The following CACNA1B variants were observed in gnomAD, a reference collection of about 807,000 sequenced individuals.
The protein encoded by CACNA1B is calcium voltage-gated channel subunit alpha1 B, also known as voltage-dependent N-type calcium channel subunit alpha-1B.
Under a neutral mutation model 247.2 loss-of-function variants are expected in CACNA1B, and 70 were observed. The observed-to-expected ratio is 0.28, with a 90% CI of 0.23 to 0.35. The LOEUF (loss-of-function observed/expected upper bound fraction) is 0.35, where lower values mean the gene tolerates loss of function less well. Ranked by LOEUF, CACNA1B falls within the 10% of genes least tolerant of loss-of-function variation. The pLI is 1.00. For synonymous variants in CACNA1B, 1,231 were observed against 1,294.4 expected (o/e 0.95, Z 1.05); for missense variants, 2,367 against 3,197.4 (o/e 0.74, Z 6.26).
chr9:137,942,131 G>T (rs951212571), intron 6 of CACNA1B, among the ~76,000 whole-genome samples: 5 of 151,780 alleles, frequency 3.3e-5, no homozygotes, highest in Admixed American at 3.3e-4. Flanking sequence ...AAACAAATTA[G>T]CAAGAAAAAA....
chr9:138,120,924 C>G (rs1460879240), intron 46 of CACNA1B, 43 bp downstream of exon 46: 1 of 1,531,420 alleles, frequency 6.5e-7, no homozygotes, highest in South Asian at 1.2e-5. Context: ...GCTGCCTCTC[C>G]TCGGCCCAGC....
intron 36 of CACNA1B, among the ~76,000 whole-genome samples, chr9:138,082,203 G>A (rs1960543094): frequency 6.6e-6 from 1 of 151,256 alleles, no homozygotes; most frequent in South Asian, 2.1e-4. Flanking sequence ...GAATGAAAAG[G>A]CAACTCAAGG....
intron 39 of CACNA1B, among the ~76,000 whole-genome samples, chr9:138,109,445 C>T (rs1961548128): frequency 6.6e-6 from 1 of 152,248 alleles, no homozygotes; most frequent in African/African-American, 2.4e-5. Flanking sequence ...TAGGCCTCTT[C>T]TCTTGGCTGG....
rs1234627721 is a variant in CACNA1B, at chr9:138,122,040, G to T, written c.*41G>T. ...TCAGACGCCTGCATGCAGCAGGCGT[G>T]TGTTCCAGTGGATGAGTTTTATCAT... On this transcript the variant is annotated 3_prime_UTR_variant, in exon 47 of 47. Coordinates refer to ENST00000371372, the MANE Select transcript of CACNA1B (RefSeq NM_000718.4). The T allele has an allele frequency of 6.6e-7, 1 of 1,522,478 alleles. No homozygotes were observed. The highest frequency in any genetic ancestry group is 1.9e-5 in the Admixed American group (1 of 52,832). 94.3% of individuals were successfully genotyped at this position (1,522,478 alleles called of 1,614,324 possible).
At chr9:138,079,952 C>T (rs954960897) in intron 36 of CACNA1B, among the ~76,000 whole-genome samples, 3 of 151,978 alleles carry the variant, frequency 2.0e-5, no homozygotes, top group Non-Finnish European at 2.9e-5. Context: ...ATCGTTCCTC[C>T]GTCAGCGTAG....
chr9:138,042,944 G>T (rs1048376396), intron 20 of CACNA1B, among the ~76,000 whole-genome samples: 4 of 152,176 alleles, frequency 2.6e-5, no homozygotes, highest in African/African-American at 4.8e-5. Flanking sequence ...AGTGGGAGGC[G>T]GCTCCAAGTC....
At position 137,971,370 on chromosome 9, in the gene CACNA1B, C is replaced by T. The variant is rs1198456328; in HGVS notation, c.1334-13C>T. 20 of 1,596,778 alleles carry T rather than the reference C, an allele frequency of 1.3e-5. No homozygotes were observed. The highest frequency in any genetic ancestry group is 1.7e-5 in the Non-Finnish European group (20 of 1,169,912). On this transcript the variant is annotated splice_polypyrimidine_tract_variant and intron_variant, in intron 10 of 46. Coordinates refer to ENST00000371372, the MANE Select transcript of CACNA1B (RefSeq NM_000718.4). The surrounding 1 kb of genome is among the most constrained non-coding windows in gnomAD (Gnocchi z 4.4). The stretch of plus-strand genomic sequence containing the variant: ...TTGGTCCCCACATCCTCAGTAACTC[C>T]CCATCCCCTCAGGATCCCCCTTCGC...
rs1254381815 is a variant in CACNA1B, at chr9:138,072,059, C to T, written c.4675-1429C>T. On this transcript the variant is annotated intron_variant, in intron 32 of 46. Coordinates refer to ENST00000371372, the MANE Select transcript of CACNA1B (RefSeq NM_000718.4). This position sits in a 1 kb window ranked among gnomAD's most constrained non-coding sequence, Gnocchi z 4.5. ...TACCGTGGAGATTTTCTTTCCCTGG[C>T]ACAAGCAGATTACGGAGCTACAGGT... 1.3e-5 allele frequency among the ~76,000 whole-genome samples: 2 copies of T among 152,100 alleles called. No individual in the cohort carries two copies. The highest frequency in any genetic ancestry group is 6.5e-5 in the Admixed American group (1 of 15,272).
At chr9:138,089,191 A>C (rs1960801381) in intron 36 of CACNA1B, among the ~76,000 whole-genome samples, 2 of 152,048 alleles carry the variant, frequency 1.3e-5, no homozygotes, top group South Asian at 4.1e-4. Flanking sequence ...CAAAAACAAA[A>C]AACACTAGAA....
At position 137,967,542 on chromosome 9, in the gene CACNA1B, G is replaced by A. The variant is rs369102554; in HGVS notation, c.1334-3841G>A. ...TGCTCACTGCAGGACTGTCTCCTCC[G>A]TTTTAACTCTGTCCTGTCACTCGGC... On this transcript the variant is annotated intron_variant, in intron 10 of 46. Transcript: ENST00000371372. Among the ~76,000 whole-genome samples the A allele has an allele frequency of 7.2e-5, 11 of 152,204 alleles. No individual in the cohort carries two copies. The East Asian group carries it at 1.7e-3, about 24-fold the overall frequency.
rs2133285972 is a variant in CACNA1B, at chr9:137,919,173, C to A, written c.966+1742C>A. Among the ~76,000 whole-genome samples, 1 of 152,366 alleles carries A rather than the reference C, an allele frequency of 6.6e-6. No homozygotes were observed. The highest frequency in any genetic ancestry group is 2.4e-5 in the African/African-American group (1 of 41,586). On this transcript the variant is annotated intron_variant, in intron 6 of 46. Transcript: ENST00000371372. The surrounding 1 kb of genome is among the most constrained non-coding windows in gnomAD (Gnocchi z 4.6). ...GAGCCCCATCCTGGGGCAGGCAGCA[C>A]TGGCCAGGAGGGGCCACAGAGGTTT...
intron 15 of CACNA1B, among the ~76,000 whole-genome samples, chr9:137,987,258 A>T (rs1958375652): frequency 1.3e-5 from 2 of 151,980 alleles, no homozygotes; most frequent in African/African-American, 2.4e-5. Flanking sequence ...TGACCCCCTC[A>T]GTTCTCATCT....
intron 11 of CACNA1B, among the ~76,000 whole-genome samples, chr9:137,972,109 G>A (rs896340877): frequency 5.3e-5 from 8 of 152,198 alleles, no homozygotes; most frequent in African/African-American, 1.9e-4. Flanking sequence ...AAATCTGGAT[G>A]CATTCATGCC....
rs1958712211 is a variant in CACNA1B, at chr9:138,010,631, A to G, written c.2160+554A>G. Reference sequence around the variant, plus strand: ...GTTGACTCAAGCCCTAGCTCCTAGTAGAGGTGGTGCTGCCTTCTGGTTTGG... The same window carrying G: ...GTTGACTCAAGCCCTAGCTCCTAGTGGAGGTGGTGCTGCCTTCTGGTTTGG... On this transcript the variant is annotated intron_variant, in intron 17 of 46. Transcript: ENST00000371372. The surrounding 1 kb of genome is among the most constrained non-coding windows in gnomAD (Gnocchi z 5.3). Among the ~76,000 whole-genome samples, 1 of 152,092 alleles carries G rather than the reference A, an allele frequency of 6.6e-6. No homozygotes were observed. The highest frequency in any genetic ancestry group is 2.1e-4 in the South Asian group (1 of 4,830).
chr9:137,941,075 A>AAGAG (rs1957728012), intron 6 of CACNA1B, among the ~76,000 whole-genome samples: 1 of 152,198 alleles, frequency 6.6e-6, no homozygotes, highest in Admixed American at 6.5e-5. Flanking sequence ...GCAATCAGAC[A>AAGAG]AGAGAAAGAA....
rs1465773393 is a variant in CACNA1B, at chr9:137,917,506, A to AG, written c.966+81dup. 2 of 1,338,396 alleles carry AG rather than the reference A, an allele frequency of 1.5e-6. No homozygotes were observed. The highest frequency in any genetic ancestry group is 1.9e-5 in the Admixed American group (1 of 51,830). 82.9% of individuals were successfully genotyped at this position (1,338,396 alleles called of 1,614,324 possible). A position where few individuals can be genotyped will look rare whatever the true frequency, so the allele number is the denominator to read the frequency against. ...AGCTGGTGCCTCTGGGGGTCCATTT[A>AG]GGGGGGCCCTTCTGACCTCAGAGCC... On this transcript the variant is annotated intron_variant, in intron 6 of 46. Transcript: ENST00000371372. The surrounding 1 kb of genome is among the most constrained non-coding windows in gnomAD (Gnocchi z 5.5).
intron 12 of CACNA1B, among the ~76,000 whole-genome samples, chr9:137,976,670 C>A (rs1195129310): frequency 7.2e-6 from 1 of 139,710 alleles, no homozygotes; most frequent in African/African-American, 2.7e-5. Context: ...GCACAGAGGG[C>A]AGGGCAGGGC....
chr9:137,973,027 C>T lies in CACNA1B; in HGVS notation c.1543+1435C>T, dbSNP rs979160037. 6.6e-6 allele frequency among the ~76,000 whole-genome samples: 1 copy of T among 152,218 alleles called. No homozygotes were observed. Among genetic ancestry groups the T allele is most frequent in the African/African-American group, 2.4e-5 (1 of 41,468 alleles). The stretch of plus-strand genomic sequence containing the variant: ...GGGTCAGGTGGGGACCAAGGACTTC[C>T]TCCTGACCCAGTGACTAGGCCTGTT... On this transcript the variant is annotated intron_variant, in intron 11 of 46. Coordinates refer to ENST00000371372, the MANE Select transcript of CACNA1B (RefSeq NM_000718.4). The surrounding 1 kb of genome is among the most constrained non-coding windows in gnomAD (Gnocchi z 4.1).
intron 7 of CACNA1B, among the ~76,000 whole-genome samples, chr9:137,953,433 G>A (rs536768796): frequency 3.3e-5 from 5 of 152,332 alleles, no homozygotes; most frequent in East Asian, 1.9e-4. Context: ...AGCCAGAGTG[G>A]GGATGGCTGG....
Sources: allele counts gnomAD v4.1 joint callset (sites outside exome capture counted in the v4.1 genomes callset), GRCh38; gene constraint gnomAD v4.1.1; non-coding constraint Gnocchi (gnomAD v3.1); transcripts MANE v1.5; gene names NCBI Gene and HGNC (gene_info 2026-07-23, HGNC 2026-07-21).